TMEM229B: variants seen among roughly 807,000 people sequenced by gnomAD.
The protein encoded by TMEM229B is chromosome 14 open reading frame 83.
In TMEM229B, 6 loss-of-function variants were observed where a neutral mutation model predicts 13.7. The observed-to-expected ratio is 0.44, with a 90% CI of 0.24 to 0.86. The LOEUF (loss-of-function observed/expected upper bound fraction) is 0.86, where lower values mean the gene tolerates loss of function less well. TMEM229B is among the 40% of genes least tolerant of loss of function. The probability of loss-of-function intolerance (pLI) is 0.23; values close to 1 mark genes in which losing one functional copy is unlikely to be tolerated. For synonymous variants in TMEM229B, 107 were observed against 102.1 expected (o/e 1.05, Z -0.29); for missense variants, 170 against 236.0 (o/e 0.72, Z 1.83).
intron 2 of TMEM229B, among the ~76,000 whole-genome samples, chr14:67,474,912 TTC>T (rs1491324916): frequency 2.4e-5 from 3 of 125,842 alleles, no homozygotes; most frequent in South Asian, 2.4e-4. Context: ...CAGAATTTCC[TTC>T]TTTTTTTTTT....
chr14:67,489,005 C>A (rs2032041267), upstream of TMEM229B, among the ~76,000 whole-genome samples: 1 of 152,160 alleles, frequency 6.6e-6, no homozygotes, highest in Admixed American at 6.5e-5. Flanking sequence ...ACTCCCTATC[C>A]CCCAAGAGTA....
chr14:67,513,268 G>A (rs752536450), intron 1 of TMEM229B, among the ~76,000 whole-genome samples: 20 of 152,148 alleles, frequency 1.3e-4, no homozygotes, highest in Admixed American at 3.9e-4. Context: ...CAATAAAGCC[G>A]CTCCAGTGGG....
chr14:67,528,384 C>A (rs2033398495), intron 1 of TMEM229B, among the ~76,000 whole-genome samples: 1 of 152,162 alleles, frequency 6.6e-6, no homozygotes, highest in African/African-American at 2.4e-5. Flanking sequence ...TCTTGGAGCC[C>A]TAGTCTCTCC....
At chr14:67,517,123 A>G (rs2033216837), upstream of TMEM229B, among the ~76,000 whole-genome samples, 1 of 152,194 alleles carries the variant, frequency 6.6e-6, no homozygotes, top group Non-Finnish European at 1.5e-5. Flanking sequence ...ACTGTCAGAG[A>G]CGCAGGAGAC....
upstream of TMEM229B, among the ~76,000 whole-genome samples, chr14:67,517,266 C>T (rs567843674): frequency 4.6e-5 from 7 of 152,284 alleles, no homozygotes; most frequent in South Asian, 1.5e-3. Flanking sequence ...CTGTGGCCGG[C>T]GGCTGGCAGC....
chr14:67,492,854 C>T (rs2032224072), upstream of TMEM229B, among the ~76,000 whole-genome samples: 1 of 152,210 alleles, frequency 6.6e-6, no homozygotes, highest in Admixed American at 6.5e-5. Flanking sequence ...GTGAACAAGA[C>T]AATGTTCCTG....
chr14:67,511,057 G>C (rs2033007927), intron 1 of TMEM229B, among the ~76,000 whole-genome samples: 1 of 152,148 alleles, frequency 6.6e-6, no homozygotes, highest in African/African-American at 2.4e-5. Context: ...TGATGTCAAG[G>C]CCTTACTAAA....
rs1433675772 is a variant in TMEM229B, at chr14:67,472,714, G to A, written c.*706C>T. The A allele has an allele frequency of 6.5e-6, 1 of 152,874 alleles. No homozygotes were observed. The highest frequency in any genetic ancestry group is 2.4e-5 in the African/African-American group (1 of 41,338). 9.5% of individuals were successfully genotyped at this position (152,874 alleles called of 1,614,324 possible). On this transcript the variant is annotated 3_prime_UTR_variant, in exon 3 of 3. Transcript: ENST00000554480. ...TGGATAAAGAGCCGCTAGTGGTAAAGGCTTTGAAAACAAGACAGAAAAGGG... is the reference window on the plus strand; with the variant it reads ...TGGATAAAGAGCCGCTAGTGGTAAAAGCTTTGAAAACAAGACAGAAAAGGG...
At chr14:67,522,611 C>T (rs988870666) in intron 1 of TMEM229B, among the ~76,000 whole-genome samples, 2 of 152,190 alleles carry the variant, frequency 1.3e-5, no homozygotes, top group Admixed American at 6.5e-5. Flanking sequence ...GACTTGGCAA[C>T]ATTAATAGGT....
chr14:67,487,718 A>T (rs1158603768), intron 1 of TMEM229B, among the ~76,000 whole-genome samples: 1 of 152,180 alleles, frequency 6.6e-6, no homozygotes, highest in African/African-American at 2.4e-5. Context: ...ATTATGGTTG[A>T]GGCCCTTCCT....
intron 1 of TMEM229B, among the ~76,000 whole-genome samples, chr14:67,495,214 T>G (rs184828124): frequency 1.3e-5 from 2 of 152,164 alleles, no homozygotes; most frequent in Admixed American, 6.5e-5. Flanking sequence ...ATTCCAGCTC[T>G]GGGGTTTCCG....
At chr14:67,478,748 T>A (rs1039375813) in intron 2 of TMEM229B, among the ~76,000 whole-genome samples, 1 of 152,080 alleles carries the variant, frequency 6.6e-6, no homozygotes, top group African/African-American at 2.4e-5. Flanking sequence ...ACCCAGCTCC[T>A]CCTCTGTGAG....
At chr14:67,486,227 T>C (rs2031869968) in intron 2 of TMEM229B, among the ~76,000 whole-genome samples, 1 of 152,244 alleles carries the variant, frequency 6.6e-6, no homozygotes, top group Admixed American at 6.5e-5. Flanking sequence ...CAGGTCTTTC[T>C]CATGCTGTTC....
chr14:67,517,003 A>G (rs1183530150), upstream of TMEM229B, among the ~76,000 whole-genome samples: 1 of 152,242 alleles, frequency 6.6e-6, no homozygotes, highest in Admixed American at 6.5e-5. Context: ...TAATATTCTC[A>G]GCACACAGTA....
At chr14:67,485,270 C>A (rs1281780338) in intron 2 of TMEM229B, among the ~76,000 whole-genome samples, 1 of 152,188 alleles carries the variant, frequency 6.6e-6, no homozygotes, top group Admixed American at 6.5e-5. Context: ...TCTTTACCCC[C>A]AACTCCCCTC....
upstream of TMEM229B, among the ~76,000 whole-genome samples, chr14:67,489,142 C>T (rs1328065072): frequency 6.6e-6 from 1 of 152,178 alleles, no homozygotes; most frequent in Non-Finnish European, 1.5e-5. Flanking sequence ...CTTAGATCAT[C>T]TCTCATGATT....
intron 1 of TMEM229B, among the ~76,000 whole-genome samples, chr14:67,507,607 T>TC (rs1176553018): frequency 6.6e-6 from 1 of 152,086 alleles, no homozygotes; most frequent in Non-Finnish European, 1.5e-5. Context: ...CGCCACCATG[T>TC]CCAACTAATT....
chr14:67,495,401 A>G (rs1214942493), intron 1 of TMEM229B, among the ~76,000 whole-genome samples: 1 of 152,008 alleles, frequency 6.6e-6, no homozygotes, highest in Admixed American at 6.5e-5. Context: ...TGTAGTTAAT[A>G]TTTCCTGGAG....
chr14:67,479,448 T>C lies in TMEM229B; in HGVS notation c.-18-5507A>G, dbSNP rs192558181. Among the ~76,000 whole-genome samples, 1,198 of 148,620 alleles carry C rather than the reference T, an allele frequency of 8.1e-3. 17 individuals carry two copies. The highest frequency in any genetic ancestry group is 0.034 in the Admixed American group (511 of 14,954). ...AAATGCTTGTGGAAGCTGGGTGCAG[T>C]AGCTCATGCCTGTAATCCCAGTACT... On this transcript the variant is annotated intron_variant, in intron 2 of 2. Coordinates refer to ENST00000554480, the MANE Select transcript of TMEM229B (RefSeq NM_001348543.2).
Sources: allele counts gnomAD v4.1 joint callset (sites outside exome capture counted in the v4.1 genomes callset), GRCh38; gene constraint gnomAD v4.1.1; transcripts MANE v1.5; gene names NCBI Gene and HGNC (gene_info 2026-07-23, HGNC 2026-07-21).